The following ADAMTS12 variants were observed in gnomAD, a reference collection of about 807,000 sequenced individuals.
ADAMTS12 encodes A disintegrin and metalloproteinase with thrombospondin motifs 12.
In ADAMTS12, 118 loss-of-function variants were observed where a neutral mutation model predicts 167.8. The observed-to-expected ratio is 0.70, with a 90% CI of 0.61 to 0.82. The LOEUF (loss-of-function observed/expected upper bound fraction) is 0.82. Ranked by LOEUF, ADAMTS12 falls within the 40% of genes least tolerant of loss-of-function variation. The pLI, the probability that ADAMTS12 is intolerant of heterozygous loss-of-function variation, is 0.00. For missense variants in ADAMTS12, 1,916 were observed against 1,998.8 expected, an observed-to-expected ratio of 0.96 and a Z score of 0.79; for synonymous variants, 704 against 716.9, an observed-to-expected ratio of 0.98 and a Z score of 0.29.
intron 22 of ADAMTS12, among the ~76,000 whole-genome samples, chr5:33,538,488 A>G (rs1246889338): frequency 6.6e-6 from 1 of 152,130 alleles, no homozygotes; most frequent in African/African-American, 2.4e-5. Context: ...CTTGTTGCCA[A>G]TGAGACATGA....
chr5:33,638,897 AG>A (rs1740316046), intron 11 of ADAMTS12, among the ~76,000 whole-genome samples: 1 of 152,136 alleles, frequency 6.6e-6, no homozygotes, highest in South Asian at 2.1e-4. Context: ...AAAATGGGAG[AG>A]GGGAGACGTG....
intron 2 of ADAMTS12, among the ~76,000 whole-genome samples, chr5:33,805,602 G>A (rs1367367800): frequency 6.6e-6 from 1 of 152,204 alleles, no homozygotes; most frequent in East Asian, 1.9e-4. Context: ...CCTAAGGGGA[G>A]CGCGTGGAGG....
chr5:33,794,904 ACTC>A (rs1484759888), intron 2 of ADAMTS12, among the ~76,000 whole-genome samples: 1 of 151,902 alleles, frequency 6.6e-6, no homozygotes, highest in East Asian at 1.9e-4. Context: ...AGCTTGAAAT[ACTC>A]CTCAAAGGAC....
At chr5:33,621,050 A>T (rs538338636) in intron 14 of ADAMTS12, among the ~76,000 whole-genome samples, 1 of 152,304 alleles carries the variant, frequency 6.6e-6, no homozygotes, top group African/African-American at 2.4e-5. Flanking sequence ...TCAAACAAGA[A>T]GTCTCTGGGT....
At chr5:33,695,608 T>C (rs1429401877) in intron 3 of ADAMTS12, among the ~76,000 whole-genome samples, 2 of 152,210 alleles carry the variant, frequency 1.3e-5, no homozygotes, top group East Asian at 3.8e-4. Flanking sequence ...GGACAAATAC[T>C]GTATGATTCC....
chr5:33,759,586 G>C (rs1336711271), intron 2 of ADAMTS12, among the ~76,000 whole-genome samples: 1 of 152,100 alleles, frequency 6.6e-6, no homozygotes, highest in African/African-American at 2.4e-5. Flanking sequence ...CATGTTGATG[G>C]ACAGCATCTC....
chr5:33,620,033 G>T (rs1357236587), intron 14 of ADAMTS12, among the ~76,000 whole-genome samples: 1 of 152,192 alleles, frequency 6.6e-6, no homozygotes, highest in African/African-American at 2.4e-5. Context: ...GAGTCTATAG[G>T]TATGGTATGC....
At chr5:33,555,845 C>A (rs1745466459) in intron 20 of ADAMTS12, among the ~76,000 whole-genome samples, 1 of 152,202 alleles carries the variant, frequency 6.6e-6, no homozygotes, top group Non-Finnish European at 1.5e-5. Flanking sequence ...CGTGGCAGTA[C>A]TACCACCCAC....
intron 16 of ADAMTS12, among the ~76,000 whole-genome samples, chr5:33,600,872 C>T (rs115232625): frequency 0.027 from 4,156 of 152,270 alleles, 85 homozygotes; most frequent in Non-Finnish European, 0.039. Flanking sequence ...ATTAACTTCA[C>T]AAGAAGAAGA....
chr5:33,703,480 A>C (rs1743074714), intron 3 of ADAMTS12, among the ~76,000 whole-genome samples: 1 of 152,110 alleles, frequency 6.6e-6, no homozygotes, highest in African/African-American at 2.4e-5. Flanking sequence ...CATAGGCCCT[A>C]TATTGTACAG....
chr5:33,686,597 A>G (rs1742332051), intron 3 of ADAMTS12, among the ~76,000 whole-genome samples: 2 of 151,886 alleles, frequency 1.3e-5, no homozygotes. Context: ...ATGGTATTTG[A>G]AGGTGGGGCC....
chr5:33,742,306 C>T (rs1265891034), intron 3 of ADAMTS12, among the ~76,000 whole-genome samples: 1 of 142,338 alleles, frequency 7.0e-6, no homozygotes, highest in Admixed American at 7.3e-5. Flanking sequence ...GATGTCAAAT[C>T]TAACAAGTAA....
chr5:33,738,700 G>A (rs13359646), intron 3 of ADAMTS12, among the ~76,000 whole-genome samples: 4,571 of 152,274 alleles, frequency 0.03, 240 homozygotes, highest in African/African-American at 0.11. Flanking sequence ...TTTCCACATC[G>A]CAGCACTGTC....
At chr5:33,888,915 T>C (rs1332699902) in intron 1 of ADAMTS12, among the ~76,000 whole-genome samples, 1 of 152,226 alleles carries the variant, frequency 6.6e-6, no homozygotes, top group Non-Finnish European at 1.5e-5. Flanking sequence ...TGTTTCTATG[T>C]TTCTAGTCCC....
intron 2 of ADAMTS12, among the ~76,000 whole-genome samples, chr5:33,780,719 C>T (rs1485767466): frequency 1.3e-5 from 2 of 152,162 alleles, no homozygotes; most frequent in Non-Finnish European, 2.9e-5. Context: ...AATCGTATTG[C>T]TTTAAGACAA....
At chr5:33,599,809 T>C (rs1490215903) in intron 16 of ADAMTS12, among the ~76,000 whole-genome samples, 2 of 152,206 alleles carry the variant, frequency 1.3e-5, no homozygotes, top group African/African-American at 4.8e-5. Context: ...AAATCTTTCT[T>C]TGACATAGGA....
intron 3 of ADAMTS12, among the ~76,000 whole-genome samples, chr5:33,733,844 A>G (rs1044080916): frequency 3.9e-5 from 6 of 152,122 alleles, no homozygotes; most frequent in Admixed American, 2.0e-4. Context: ...ATCATCTCCA[A>G]TTCACACAGA....
chr5:33,631,300 G>A lies in ADAMTS12; in HGVS notation c.1889-387C>T, dbSNP rs193272506. Among the ~76,000 whole-genome samples, 166 of 152,116 alleles carry A rather than the reference G, an allele frequency of 1.1e-3. 1 individual carries two copies. The highest frequency in any genetic ancestry group is 3.7e-3 in the African/African-American group (153 of 41,510). ...CAGCCATGAAGGACTCCAGGCAAGC[G>A]GGATGCCTGCTTGTTTCTTGCAGCA... On this transcript the variant is annotated intron_variant, in intron 12 of 23. Coordinates refer to ENST00000504830, the MANE Select transcript of ADAMTS12 (RefSeq NM_030955.4).
intron 1 of ADAMTS12, among the ~76,000 whole-genome samples, chr5:33,886,723 T>C (rs943818973): frequency 2.0e-5 from 3 of 152,056 alleles, no homozygotes; most frequent in Non-Finnish European, 2.9e-5. Flanking sequence ...CCTGATCTAA[T>C]TGCATAGGAG....
Sources: allele counts gnomAD v4.1 joint callset (sites outside exome capture counted in the v4.1 genomes callset), GRCh38; gene constraint gnomAD v4.1.1; transcripts MANE v1.5; gene names NCBI Gene and HGNC (gene_info 2026-07-23, HGNC 2026-07-21).